The following KCTD15 variants were observed in gnomAD, a reference collection of about 807,000 sequenced individuals.
The protein encoded by KCTD15 is BTB/POZ domain-containing protein KCTD15.
Under a neutral mutation model 27.2 loss-of-function variants are expected in KCTD15, and 11 were observed. The ratio of observed to expected loss-of-function variants is 0.41; its 90% confidence interval spans 0.25 to 0.67. KCTD15 has a LOEUF of 0.67. Among genes scored for constraint, KCTD15 ranks in the 30% least tolerant of loss-of-function variants. The probability of loss-of-function intolerance (pLI) is 0.35; values close to 1 mark genes in which losing one functional copy is unlikely to be tolerated. For synonymous variants in KCTD15, 163 were observed against 176.0 expected (o/e 0.93, Z 0.58); for missense variants, 350 against 409.3 (o/e 0.86, Z 1.25).
intron 1 of KCTD15, chr19:33,797,435 A>T (rs1195339928): frequency 2.2e-6 from 1 of 453,930 alleles, no homozygotes; most frequent in Non-Finnish European, 4.4e-6. Context: ...GGCGCCCAAA[A>T]TCAGAGAAAG....
Position 33,813,125 on chromosome 19 carries a change from G to C in KCTD15, c.*177G>C, listed in dbSNP as rs1005575701. Reference sequence around the variant, plus strand: ...TGGCAACAGAACGTGGGATGCTGGAGGCATGCCTGCAGAAGGACTGTTGAT... The same window carrying C: ...TGGCAACAGAACGTGGGATGCTGGACGCATGCCTGCAGAAGGACTGTTGAT... On this transcript the variant is annotated 3_prime_UTR_variant, in exon 7 of 7. Transcript: ENST00000683859. 1.5e-5 allele frequency: 10 copies of C among 660,844 alleles called. No individual in the cohort carries two copies. The highest frequency in any genetic ancestry group is 2.4e-5 in the Non-Finnish European group (9 of 378,252). The allele number at this position is 660,844 out of a possible 1,614,324, so 40.9% of individuals were successfully genotyped here.
chr19:33,800,802 T>C (rs938963378), intron 3 of KCTD15, among the ~76,000 whole-genome samples: 3 of 152,180 alleles, frequency 2.0e-5, no homozygotes, highest in African/African-American at 4.8e-5. Flanking sequence ...AATTCACAAA[T>C]TGGTGATTCG....
chr19:33,801,607 G>C, intron 4 of KCTD15: 1 of 366,894 alleles, frequency 2.7e-6, no homozygotes, highest in East Asian at 4.4e-5. Context: ...GGGGACTAGG[G>C]CTTATTCAGA....
chr19:33,803,028 C>G (rs987688488), intron 4 of KCTD15, among the ~76,000 whole-genome samples: 2 of 151,886 alleles, frequency 1.3e-5, no homozygotes, highest in Non-Finnish European at 2.9e-5. Context: ...GATGTGCTCT[C>G]ATGGGGAGCT....
intron 2 of KCTD15, 57 bp from the exon 3 acceptor site, chr19:33,800,371 C>A: frequency 7.3e-7 from 1 of 1,370,842 alleles, no homozygotes; most frequent in Non-Finnish European, 1.0e-6. Flanking sequence ...TCTTTGACCC[C>A]ATGGTACATG....
chr19:33,811,583 G>GC lies in KCTD15; in HGVS notation c.693+32dup, dbSNP rs1448562421. 1.9e-6 allele frequency: 3 copies of GC among 1,575,628 alleles called. No individual in the cohort carries two copies. The Admixed American group carries it at 5.2e-5, about 27-fold the overall frequency. ...GGCTGCACGCTGCCCCCTCCCCGCC[G>GC]CACCCCCGGCGTCCGCGGAGCCCTC... On this transcript the variant is annotated intron_variant, in intron 6 of 6. Coordinates refer to ENST00000683859, the MANE Select transcript of KCTD15 (RefSeq NM_001129994.2).
Position 33,813,157 on chromosome 19 carries a change from CA to C in KCTD15, c.*212del, listed in dbSNP as rs1975984292. On this transcript the variant is annotated 3_prime_UTR_variant, in exon 7 of 7. Transcript: ENST00000683859. ...CTGCAGAAGGACTGTTGATGCGACCCAAAGATACAGCGGTGGGATCTCTGCT... is the reference window on the plus strand; with the variant it reads ...CTGCAGAAGGACTGTTGATGCGACCCAAGATACAGCGGTGGGATCTCTGCT... 9.5e-6 allele frequency: 6 copies of C among 629,286 alleles called. No individual in the cohort carries two copies. Among genetic ancestry groups the C allele is most frequent in the Non-Finnish European group, 1.4e-5 (5 of 352,418 alleles). 39.0% of individuals were successfully genotyped at this position (629,286 alleles called of 1,614,324 possible). A position where few individuals can be genotyped will look rare whatever the true frequency, so the allele number is the denominator to read the frequency against.
chr19:33,796,096 CAAG>C (rs1342936602), upstream of KCTD15: 3 of 151,744 alleles, frequency 2.0e-5, no homozygotes, highest in Non-Finnish European at 4.4e-5. Flanking sequence ...ACCGAGGAGT[CAAG>C]AAATGTGAGA....
chr19:33,806,823 C>G, intron 4 of KCTD15, 40 bp from the exon 5 acceptor site: 2 of 1,604,122 alleles, frequency 1.2e-6, no homozygotes, highest in Non-Finnish European at 1.7e-6. Flanking sequence ...CAGACTTGTC[C>G]CCATCCCTTC....
chr19:33,803,148 G>A (rs1055486199), intron 4 of KCTD15, among the ~76,000 whole-genome samples: 1 of 152,236 alleles, frequency 6.6e-6, no homozygotes, highest in African/African-American at 2.4e-5. Context: ...TGAATCTGTT[G>A]TTCTGCCTGG....
At chr19:33,812,752 C>T in intron 6 of KCTD15, 38 bp from the exon 7 acceptor site, 1 of 1,404,812 alleles carries the variant, frequency 7.1e-7, no homozygotes, top group Non-Finnish European at 9.3e-7. Context: ...TGTCCTCTTG[C>T]AGCTTGGCCT....
intron 5 of KCTD15, among the ~76,000 whole-genome samples, chr19:33,807,239 T>C (rs555567390): frequency 6.6e-6 from 1 of 152,226 alleles, no homozygotes; most frequent in Non-Finnish European, 1.5e-5. Context: ...AGCTGAACAT[T>C]TGTCGTGTTT....
intron 4 of KCTD15, among the ~76,000 whole-genome samples, chr19:33,803,013 T>G (rs975394514): frequency 6.6e-6 from 1 of 152,164 alleles, no homozygotes; most frequent in African/African-American, 2.4e-5. Flanking sequence ...TTTGTTCTGC[T>G]GTGGGATGTG....
chr19:33,811,185 C>T, intron 5 of KCTD15, 62 bp from the exon 6 acceptor site: 3 of 546,938 alleles, frequency 5.5e-6, no homozygotes, highest in Admixed American at 3.2e-5. Context: ...CCTCCCCTCT[C>T]CCCCTTCCCC....
At chr19:33,804,466 A>G (rs1354871194) in intron 4 of KCTD15, among the ~76,000 whole-genome samples, 1 of 149,044 alleles carries the variant, frequency 6.7e-6, no homozygotes, top group African/African-American at 2.5e-5. Context: ...GCCTGCTTAC[A>G]TGGACTTTGG....
At chr19:33,796,421 G>T (rs933018035), upstream of KCTD15, 1 of 150,432 alleles carries the variant, frequency 6.6e-6, no homozygotes, top group African/African-American at 2.4e-5. Flanking sequence ...GCGCGTTTTT[G>T]TCGCCAGGCG....
In KCTD15 at chr19:33,800,323, G is replaced by A. The variant is rs1975485905; in HGVS notation, c.-27-105G>A. On this transcript the variant is annotated intron_variant, in intron 2 of 6. Coordinates refer to ENST00000683859, the MANE Select transcript of KCTD15 (RefSeq NM_001129994.2). ...CAGGGAGGGCTGCATGGACCTCGCAGGGTCTCAGAGAGCATGCAGAAAGGA... is the reference window on the plus strand; with the variant it reads ...CAGGGAGGGCTGCATGGACCTCGCAAGGTCTCAGAGAGCATGCAGAAAGGA... 13 of 893,054 alleles carry A rather than the reference G, an allele frequency of 1.5e-5. No individual in the cohort carries two copies. The Admixed American group carries it at 2.5e-4, about 17-fold the overall frequency. The allele number at this position is 893,054 out of a possible 1,614,324, so 55.3% of individuals were successfully genotyped here. A position where few individuals can be genotyped will look rare whatever the true frequency, so the allele number is the denominator to read the frequency against.
chr19:33,797,390 G>A lies in KCTD15; in HGVS notation c.-127+403G>A, dbSNP rs550548527. On this transcript the variant is annotated intron_variant, in intron 1 of 6. Coordinates refer to ENST00000683859, the MANE Select transcript of KCTD15 (RefSeq NM_001129994.2). ...TTTCCGGGGTCAGAAACGGGCTCACGCAACTGGGGCTTCGGGATGCACAAG... is the reference window on the plus strand; with the variant it reads ...TTTCCGGGGTCAGAAACGGGCTCACACAACTGGGGCTTCGGGATGCACAAG... 56 of 455,334 alleles carry A rather than the reference G, an allele frequency of 1.2e-4. No homozygotes were observed. In the Middle Eastern group the frequency reaches 2.3e-3, roughly 19 times the overall value. The allele number at this position is 455,334 out of a possible 1,614,324, so 28.2% of individuals were successfully genotyped here.
chr19:33,812,067 G>A lies in KCTD15; in HGVS notation c.693+515G>A, dbSNP rs147704309. The A allele has an allele frequency of 1.3e-4, 186 of 1,380,140 alleles. No individual in the cohort carries two copies. The African/African-American group carries it at 2.5e-3, about 19-fold the overall frequency. The allele number at this position is 1,380,140 out of a possible 1,614,324, so 85.5% of individuals were successfully genotyped here. A position where few individuals can be genotyped will look rare whatever the true frequency, so the allele number is the denominator to read the frequency against. The stretch of plus-strand genomic sequence containing the variant: ...AGGGCCTATTTTCCAACAGCTCTTC[G>A]CAGACCCAAGAGCTTGGCACATTTC... On this transcript the variant is annotated intron_variant, in intron 6 of 6. Transcript: ENST00000683859.
Sources: allele counts gnomAD v4.1 joint callset (sites outside exome capture counted in the v4.1 genomes callset), GRCh38; gene constraint gnomAD v4.1.1; transcripts MANE v1.5; gene names NCBI Gene and HGNC (gene_info 2026-07-23, HGNC 2026-07-21).